FIP1L1: variants seen among roughly 807,000 people sequenced by gnomAD.
FIP1L1 encodes the protein pre-mRNA 3'-end-processing factor FIP1.
Under a neutral mutation model 84.6 loss-of-function variants are expected in FIP1L1, and 21 were observed. The ratio of observed to expected loss-of-function variants is 0.25; its 90% CI spans 0.18 to 0.36. The LOEUF (loss-of-function observed/expected upper bound fraction) is 0.36. Among genes scored for constraint, FIP1L1 ranks in the 10% least tolerant of loss-of-function variants. FIP1L1 has a pLI of 1.00. For synonymous variants in FIP1L1, 263 were observed against 242.3 expected, an observed-to-expected ratio of 1.09 and a Z score of -0.80; for missense variants, 526 against 751.1, an observed-to-expected ratio of 0.70 and a Z score of 3.50.
Position 53,377,935 on chromosome 4 carries a change from C to G in FIP1L1, c.85+12C>G. On this transcript the variant is annotated intron_variant, in intron 1 of 17. Coordinates refer to ENST00000337488, the MANE Select transcript of FIP1L1 (RefSeq NM_030917.4). ...GTGGCTCTATGGCGGTACGAAACTT[C>G]CTGTCTCTGTCTCTCGGGTTCTCTC... 7 of 1,576,566 alleles carry G rather than the reference C, an allele frequency of 4.4e-6. No homozygotes were observed. The highest frequency in any genetic ancestry group is 1.4e-5 in the African/African-American group (1 of 73,770).
At chr4:53,449,858 G>A (rs571057962) in intron 15 of FIP1L1, among the ~76,000 whole-genome samples, 35 of 152,036 alleles carry the variant, frequency 2.3e-4, no homozygotes, top group Non-Finnish European at 3.5e-4. Context: ...AATCCATTTC[G>A]GCTAAGTTTT....
At chr4:53,438,328 C>A (rs1578974193) in intron 13 of FIP1L1, among the ~76,000 whole-genome samples, 1 of 152,242 alleles carries the variant, frequency 6.6e-6, no homozygotes, top group South Asian at 2.1e-4. Context: ...TACACTGTTT[C>A]TCTTTTATTA....
At chr4:53,429,359 T>C (rs541293670) in intron 13 of FIP1L1, among the ~76,000 whole-genome samples, 2 of 152,320 alleles carry the variant, frequency 1.3e-5, no homozygotes, top group African/African-American at 4.8e-5. Flanking sequence ...ACAAATAGAT[T>C]GAGCAGAAAC....
At position 53,377,935 on chromosome 4, in the gene FIP1L1, C is replaced by A. The variant is rs17082663; in HGVS notation, c.85+12C>A. On this transcript the variant is annotated intron_variant, in intron 1 of 17. Coordinates refer to ENST00000337488, the MANE Select transcript of FIP1L1 (RefSeq NM_030917.4). ...GTGGCTCTATGGCGGTACGAAACTT[C>A]CTGTCTCTGTCTCTCGGGTTCTCTC... The A allele has an allele frequency of 8.9e-6, 14 of 1,576,566 alleles. No individual in the cohort carries two copies. In the East Asian group the frequency reaches 2.8e-4, roughly 32 times the overall value.
At position 53,425,897 on chromosome 4, in the gene FIP1L1, A is replaced by G. The variant is rs1401026386; in HGVS notation, c.949A>G (p.Ile317Val). The G allele has an allele frequency of 1.2e-6, 2 of 1,610,940 alleles. No individual in the cohort carries two copies. Among genetic ancestry groups the G allele is most frequent in the Non-Finnish European group, 1.7e-6 (2 of 1,177,868 alleles). ...LRRLPGAIDV[I>V]GQTITISRVE... is the part of the protein sequence containing the mutation. ...GAGATTACCTGGGGCAATTGATGTT[A>G]TCGGTCAGACTATAACTATCAGCCG... is the stretch of plus-strand genomic sequence containing the variant. Residue 317 changes from isoleucine to valine, a missense_variant, in exon 12 of 18, where the codon ATC becomes GTC. This residue lies in a region of FIP1L1 where 80 missense variants were observed against 151.1 expected (regional missense o/e 0.53). Transcript: ENST00000337488.
At chr4:53,406,489 AC>A (rs2149597336) in intron 10 of FIP1L1, among the ~76,000 whole-genome samples, 1 of 152,052 alleles carries the variant, frequency 6.6e-6, no homozygotes, top group East Asian at 1.9e-4. Flanking sequence ...TTGTTTCTCT[AC>A]CCGGCTTTGG....
At position 53,425,764 on chromosome 4, in the gene FIP1L1, A is replaced by G. The variant is rs922662485; in HGVS notation, c.924-108A>G. 3.6e-5 allele frequency: 27 copies of G among 756,446 alleles called. No individual in the cohort carries two copies. The Admixed American group carries it at 7.2e-4, about 20-fold the overall frequency. 46.9% of individuals were successfully genotyped at this position (756,446 alleles called of 1,614,324 possible). A position where few individuals can be genotyped will look rare whatever the true frequency, so the allele number is the denominator to read the frequency against. On this transcript the variant is annotated intron_variant, in intron 11 of 17. Transcript: ENST00000337488. The stretch of plus-strand genomic sequence containing the variant: ...TCAATGTGTATTGTGATCTGGTTTT[A>G]TTTTAAAATTTATTGCAAACACATT...
intron 11 of FIP1L1, among the ~76,000 whole-genome samples, chr4:53,420,214 A>C (rs1470450377): frequency 1.4e-5 from 2 of 146,508 alleles, no homozygotes; most frequent in East Asian, 4.0e-4. Context: ...AAAAAAAAAA[A>C]AAAAAAAAAA....
chr4:53,439,470 A>T (rs955604572), intron 13 of FIP1L1, among the ~76,000 whole-genome samples: 16 of 152,090 alleles, frequency 1.1e-4, no homozygotes, highest in African/African-American at 3.9e-4. Context: ...TCTTACTCTG[A>T]TAAAACATGC....
intron 10 of FIP1L1, among the ~76,000 whole-genome samples, chr4:53,408,977 A>C (rs943572592): frequency 2.8e-4 from 42 of 152,084 alleles, no homozygotes; most frequent in Non-Finnish European, 4.9e-4. Flanking sequence ...GATCGTCTGA[A>C]GCTTTCTTCT....
At chr4:53,394,650 T>C (rs1746266334) in intron 9 of FIP1L1, among the ~76,000 whole-genome samples, 1 of 152,130 alleles carries the variant, frequency 6.6e-6, no homozygotes, top group Non-Finnish European at 1.5e-5. Flanking sequence ...TCAGTTACTA[T>C]TTTTTAATCT....
intron 11 of FIP1L1, among the ~76,000 whole-genome samples, chr4:53,420,226 C>A (rs1418429642): frequency 0.016 from 927 of 57,024 alleles, 21 homozygotes; most frequent in African/African-American, 0.049. Flanking sequence ...AAAAAAAAAA[C>A]CAGCCTGACC....
At chr4:53,435,192 T>C (rs1270227841) in intron 13 of FIP1L1, among the ~76,000 whole-genome samples, 3 of 152,226 alleles carry the variant, frequency 2.0e-5, no homozygotes, top group Non-Finnish European at 4.4e-5. Context: ...GCAATGCTAA[T>C]TATCTATAAT....
rs183034759 is a variant in FIP1L1, at chr4:53,437,147, C to T, written c.1175-5506C>T. On this transcript the variant is annotated intron_variant, in intron 13 of 17. Transcript: ENST00000337488. ...TTTGAGACCAGCCTGGGCAACATAG[C>T]GAAACCCTGTCTCCACAAAAAATGC... Among the ~76,000 whole-genome samples, 672 of 151,722 alleles carry T rather than the reference C, an allele frequency of 4.4e-3. 5 individuals are homozygous for T. The highest frequency in any genetic ancestry group is 0.034 in the Middle Eastern group (10 of 294).
chr4:53,447,292 A>T (rs1176691928), intron 15 of FIP1L1, among the ~76,000 whole-genome samples: 2 of 152,030 alleles, frequency 1.3e-5, no homozygotes, highest in Non-Finnish European at 2.9e-5. Context: ...CAATAAAATT[A>T]TATTACTATT....
chr4:53,392,082 C>T (rs1287537462), intron 9 of FIP1L1, among the ~76,000 whole-genome samples: 1 of 152,242 alleles, frequency 6.6e-6, no homozygotes, highest in African/African-American at 2.4e-5. Context: ...GATACTACAA[C>T]TTGTATAACA....
rs1167523391 is a variant in FIP1L1, at chr4:53,379,053, A to G, written c.86-20A>G. The stretch of plus-strand genomic sequence containing the variant: ...TTGTTAAGTAATTATAAGGTGATCT[A>G]ACTTTGGATGTGCTTATAGGCCCAT... On this transcript the variant is annotated intron_variant, in intron 1 of 17. Transcript: ENST00000337488. 3.7e-6 allele frequency: 6 copies of G among 1,611,536 alleles called. No homozygotes were observed. The Admixed American group carries it at 1.0e-4, about 27-fold the overall frequency.
chr4:53,421,146 A>G (rs1289680587), intron 11 of FIP1L1, among the ~76,000 whole-genome samples: 1 of 152,224 alleles, frequency 6.6e-6, no homozygotes, highest in Non-Finnish European at 1.5e-5. Context: ...GATTAAAATC[A>G]AATGATAGCT....
At chr4:53,451,056 G>C (rs1209246608) in intron 15 of FIP1L1, among the ~76,000 whole-genome samples, 1 of 151,172 alleles carries the variant, frequency 6.6e-6, no homozygotes, top group African/African-American at 2.4e-5. Context: ...CACCTTCCTG[G>C]TTCAGGCAAT....
Sources: allele counts gnomAD v4.1 joint callset (sites outside exome capture counted in the v4.1 genomes callset), GRCh38; gene constraint gnomAD v4.1.1; regional missense constraint gnomAD v4.1.1; transcripts MANE v1.5; gene names NCBI Gene and HGNC (gene_info 2026-07-23, HGNC 2026-07-21).